Variants in WLS observed in about 807,000 individuals in gnomAD.
The protein encoded by WLS is protein wntless homolog.
Under a neutral mutation model 62.8 loss-of-function variants are expected in WLS, and 23 were observed. The observed-to-expected ratio is 0.37, with a 90% CI of 0.26 to 0.52. The LOEUF (loss-of-function observed/expected upper bound fraction) is 0.52. WLS is among the 20% of genes least tolerant of loss of function. The pLI, the probability that WLS is intolerant of heterozygous loss-of-function variation, is 0.92. For synonymous variants in WLS, 246 were observed against 244.1 expected (o/e 1.01, Z -0.07); for missense variants, 615 against 697.3 (o/e 0.88, Z 1.33).
intron 1 of WLS, among the ~76,000 whole-genome samples, chr1:68,230,132 G>T (rs1017406052): frequency 6.6e-6 from 1 of 151,994 alleles, no homozygotes; most frequent in Non-Finnish European, 1.5e-5. Context: ...AATCCTACTA[G>T]TTTCAGAAGT....
At chr1:68,228,842 CAAAAAAAAAAA>C (rs66626696) in intron 1 of WLS, among the ~76,000 whole-genome samples, 32 of 58,030 alleles carry the variant, frequency 5.5e-4, no homozygotes, top group African/African-American at 2.3e-3. Flanking sequence ...ACACTGGTGC[CAAAAAAAAAAA>C]AAAAAAAAAA....
rs1646632595 is a variant in WLS at position 68,137,843 on chromosome 1, C to T, written c.1453G>A (p.Val485Ile). ...TGIYGMWNLY[V>I]FALMFLYAPS... ...GCATACAAGAACATCAGAGCAAAGACATACAGATTCCACATCCCATAGATG... is the reference window on the plus strand; with the variant it reads ...GCATACAAGAACATCAGAGCAAAGATATACAGATTCCACATCCCATAGATG... The change falls in exon 11 of 12, where the codon GTC (valine) becomes ATC (isoleucine). Residue 485 changes from valine to isoleucine, a missense_variant. Val to Ile is a conservative substitution (Grantham distance 29). Transcript: ENST00000262348. The T allele has an allele frequency of 1.2e-6, 2 of 1,614,042 alleles. No individual in the cohort carries two copies. The highest frequency in any genetic ancestry group is 1.3e-5 in the African/African-American group (1 of 75,048).
chr1:68,173,962 T>C (rs1297938625), intron 2 of WLS, among the ~76,000 whole-genome samples: 2 of 152,146 alleles, frequency 1.3e-5, no homozygotes, highest in Admixed American at 6.5e-5. Context: ...ATCCAGGAAA[T>C]AAACATGCAT....
intron 2 of WLS, among the ~76,000 whole-genome samples, chr1:68,173,547 G>A (rs905472748): frequency 1.3e-5 from 2 of 152,214 alleles, no homozygotes; most frequent in Non-Finnish European, 2.9e-5. Context: ...GAAAGGGATG[G>A]CTAATTTAAC....
downstream of WLS, among the ~76,000 whole-genome samples, chr1:68,120,726 G>GCA (rs1491050779): frequency 7.2e-6 from 1 of 138,908 alleles, no homozygotes; most frequent in Non-Finnish European, 1.6e-5. Flanking sequence ...GTGCGCGCGC[G>GCA]CACATGTGCA....
In WLS at chr1:68,209,568, C is replaced by T. The variant is rs548917833; in HGVS notation, c.107-15341G>A. Among the ~76,000 whole-genome samples the T allele has an allele frequency of 5.4e-4, 82 of 152,236 alleles. 1 individual carries two copies. In the Middle Eastern group the frequency reaches 0.014, roughly 25 times the overall value. On this transcript the variant is annotated intron_variant, in intron 1 of 11. Transcript: ENST00000262348. ...CCGAGGTGGGCGGAACACCTGATGTCGGGAGTTTGAGACCAGCCTGACCAA... is the reference window on the plus strand; with the variant it reads ...CCGAGGTGGGCGGAACACCTGATGTTGGGAGTTTGAGACCAGCCTGACCAA...
intron 3 of WLS, among the ~76,000 whole-genome samples, chr1:68,155,858 G>A (rs1440212752): frequency 1.3e-5 from 2 of 152,172 alleles, no homozygotes; most frequent in African/African-American, 2.4e-5. Context: ...AAGAAAGAAA[G>A]ATAATAAGAT....
At chr1:68,100,914 G>A (rs1570784720) in intron 11 of WLS, 1 of 152,188 alleles carries the variant, frequency 6.6e-6, no homozygotes, top group Non-Finnish European at 1.5e-5. Flanking sequence ...CATGCAACAT[G>A]CATGTTTGCT....
chr1:68,195,712 T>C (rs1326826585), intron 1 of WLS, among the ~76,000 whole-genome samples: 2 of 152,150 alleles, frequency 1.3e-5, no homozygotes, highest in African/African-American at 4.8e-5. Flanking sequence ...CCCTCTTTTA[T>C]GTTTTTCCCC....
intron 11 of WLS, among the ~76,000 whole-genome samples, chr1:68,109,985 C>A (rs1464070414): frequency 9.5e-6 from 1 of 105,194 alleles, no homozygotes; most frequent in African/African-American, 3.8e-5. Flanking sequence ...ACTGAATTTG[C>A]ACTGGAACAC....
chr1:68,228,021 G>A (rs1404717771), intron 1 of WLS, among the ~76,000 whole-genome samples: 4 of 152,242 alleles, frequency 2.6e-5, no homozygotes, highest in East Asian at 1.9e-4. Context: ...CAATCGTGTG[G>A]GCTACATCCT....
chr1:68,114,949 C>T (rs1160280748), intron 11 of WLS, among the ~76,000 whole-genome samples: 2 of 152,142 alleles, frequency 1.3e-5, no homozygotes, highest in Admixed American at 1.3e-4. Context: ...CTGGGGCAGT[C>T]GTAGAAGGCT....
intron 11 of WLS, among the ~76,000 whole-genome samples, chr1:68,108,665 AT>A (rs1276570067): frequency 1.9e-4 from 29 of 152,342 alleles, no homozygotes; most frequent in African/African-American, 7.0e-4. Context: ...TGATAATTGA[AT>A]TTTTAATTCT....
chr1:68,101,762 A>C (rs1163857118), intron 11 of WLS, among the ~76,000 whole-genome samples: 2 of 152,218 alleles, frequency 1.3e-5, no homozygotes, highest in East Asian at 1.9e-4. Flanking sequence ...GTTCAGGAAG[A>C]CTGGCTGCAA....
At chr1:68,122,839 G>T (rs1408492287), downstream of WLS, among the ~76,000 whole-genome samples, 2 of 152,142 alleles carry the variant, frequency 1.3e-5, no homozygotes, top group Non-Finnish European at 2.9e-5. Context: ...CACATCGGTG[G>T]AGAAGGCAGA....
intron 5 of WLS, among the ~76,000 whole-genome samples, chr1:68,151,107 T>C (rs906644288): frequency 6.6e-6 from 1 of 150,440 alleles, no homozygotes; most frequent in Admixed American, 6.6e-5. Context: ...CATCATAGAG[T>C]TTTAAAGCAT....
At chr1:68,118,618 G>A (rs1646324282) in intron 11 of WLS, among the ~76,000 whole-genome samples, 2 of 150,856 alleles carry the variant, frequency 1.3e-5, no homozygotes, top group South Asian at 4.2e-4. Flanking sequence ...GCTCACGCCT[G>A]TAATCCCAAC....
At chr1:68,117,986 A>G (rs148038494) in intron 11 of WLS, among the ~76,000 whole-genome samples, 1 of 152,116 alleles carries the variant, frequency 6.6e-6, no homozygotes, top group African/African-American at 2.4e-5. Context: ...AAAAAAACAG[A>G]ATTTTTAAAA....
rs955599308 is a variant in WLS at position 68,141,065 on chromosome 1, A to G, written c.1363-3132T>C. On this transcript the variant is annotated intron_variant, in intron 10 of 11. Coordinates refer to ENST00000262348, the MANE Select transcript of WLS (RefSeq NM_024911.7). ...AAGTCCCTGTTTTTCCTGATTTTAC[A>G]TTTGAACAATTTACTTTTGTGTGAA... 1.4e-4 allele frequency among the ~76,000 whole-genome samples: 21 copies of G among 150,326 alleles called. 1 individual carries two copies.
Sources: allele counts gnomAD v4.1 joint callset (sites outside exome capture counted in the v4.1 genomes callset), GRCh38; gene constraint gnomAD v4.1.1; transcripts MANE v1.5; gene names NCBI Gene and HGNC (gene_info 2026-07-23, HGNC 2026-07-21).